Variants in TEX14 observed in about 807,000 individuals in gnomAD.
The protein encoded by TEX14 is testis expressed 14, intercellular bridge forming factor, also known as inactive serine/threonine-protein kinase TEX14.
TEX14 carries 168 observed loss-of-function variants against 178.6 expected under a neutral mutation model. That is an observed-to-expected ratio of 0.94 (90% CI 0.83 to 1.07). The LOEUF (loss-of-function observed/expected upper bound fraction) is 1.07, where lower values mean the gene tolerates loss of function less well. Among genes scored for constraint, TEX14 ranks in the 50% least tolerant of loss-of-function variants. TEX14 has a pLI of 0.00. For synonymous variants in TEX14, 626 were observed against 634.1 expected (o/e 0.99, Z 0.19); for missense variants, 1,730 against 1,753.6 (o/e 0.99, Z 0.24).
At chr17:58,673,484 A>AAAATAAATAAATAAAT (rs76433652) in intron 1 of TEX14, among the ~76,000 whole-genome samples, 51 of 143,508 alleles carry the variant, frequency 3.6e-4, no homozygotes, top group East Asian at 1.9e-3. Flanking sequence ...CTCCATCTCA[A>AAAATAAATAAATAAAT]AAATAAATAA....
At chr17:58,558,137 G>T (rs112639039) in intron 30 of TEX14, among the ~76,000 whole-genome samples, 1 of 152,152 alleles carries the variant, frequency 6.6e-6, no homozygotes, top group Non-Finnish European at 1.5e-5. Flanking sequence ...ATGCCTACAC[G>T]TTCTGGGCCC....
intron 1 of TEX14, among the ~76,000 whole-genome samples, chr17:58,666,314 C>T (rs1016062494): frequency 9.2e-5 from 14 of 151,936 alleles, no homozygotes; most frequent in Non-Finnish European, 1.8e-4. Flanking sequence ...CTCCACTGCA[C>T]TCCAGCCTGG....
At chr17:58,666,942 G>C (rs2047223312) in intron 1 of TEX14, among the ~76,000 whole-genome samples, 1 of 152,160 alleles carries the variant, frequency 6.6e-6, no homozygotes, top group Non-Finnish European at 1.5e-5. Flanking sequence ...AGGCCTGGCT[G>C]GTCAGAGAGC....
chr17:58,605,275 TCTG>T, intron 10 of TEX14, 146 bp from the exon 11 acceptor site: 1 of 879,586 alleles, frequency 1.1e-6, no homozygotes, highest in Non-Finnish European at 1.7e-6. Flanking sequence ...CACTGCAACC[TCTG>T]CCACCTCCCG....
intron 13 of TEX14, among the ~76,000 whole-genome samples, chr17:58,600,115 G>A (rs953233739): frequency 6.6e-6 from 1 of 152,182 alleles, no homozygotes; most frequent in Admixed American, 6.5e-5. Flanking sequence ...TTACAGGTGT[G>A]AGCCACCGTG....
intron 3 of TEX14, among the ~76,000 whole-genome samples, chr17:58,625,184 G>A (rs2046107475): frequency 6.6e-6 from 1 of 151,714 alleles, no homozygotes. Flanking sequence ...CCAGGCTGCA[G>A]TACAATGGTG....
At chr17:58,641,664 A>G (rs2046580387) in intron 2 of TEX14, among the ~76,000 whole-genome samples, 1 of 150,784 alleles carries the variant, frequency 6.6e-6, no homozygotes, top group Non-Finnish European at 1.5e-5. Flanking sequence ...GCACCACCAC[A>G]CTCAGCTAAT....
intron 14 of TEX14, among the ~76,000 whole-genome samples, chr17:58,596,564 C>T (rs2045287602): frequency 6.6e-6 from 1 of 152,036 alleles, no homozygotes; most frequent in Non-Finnish European, 1.5e-5. Flanking sequence ...TAAACCACTG[C>T]ACCTGGCTGT....
intron 7 of TEX14, 80 bp from the exon 8 acceptor site, chr17:58,615,425 G>A: frequency 1.1e-6 from 1 of 901,364 alleles, no homozygotes; most frequent in Non-Finnish European, 1.8e-6. Flanking sequence ...TCCTAAGCAA[G>A]GACCAGAGAA....
At chr17:58,674,527 G>A (rs915522957) in intron 1 of TEX14, among the ~76,000 whole-genome samples, 5 of 151,546 alleles carry the variant, frequency 3.3e-5, no homozygotes, top group African/African-American at 4.9e-5. Context: ...AAAATTAGCT[G>A]AGCATGGTGG....
chr17:58,684,218 T>C (rs563502635), intron 1 of TEX14, among the ~76,000 whole-genome samples: 9 of 151,698 alleles, frequency 5.9e-5, no homozygotes, highest in East Asian at 1.9e-4. Flanking sequence ...TCCCAGCACT[T>C]TGGGAGGCCT....
intron 14 of TEX14, among the ~76,000 whole-genome samples, chr17:58,597,597 C>T (rs189823370): frequency 6.6e-6 from 1 of 152,194 alleles, no homozygotes; most frequent in East Asian, 1.9e-4. Context: ...CATCTCTGGG[C>T]CTCAGGAAGT....
intron 2 of TEX14, 116 bp downstream of exon 2, chr17:58,651,750 T>C: frequency 2.0e-6 from 2 of 985,526 alleles, no homozygotes; most frequent in Non-Finnish European, 2.9e-6. Context: ...AATTTCTACA[T>C]TTAATTTCTG....
At chr17:58,659,154 A>G (rs1023180557) in intron 1 of TEX14, among the ~76,000 whole-genome samples, 2 of 152,188 alleles carry the variant, frequency 1.3e-5, no homozygotes, top group Non-Finnish European at 2.9e-5. Context: ...CACAGGACAG[A>G]AAAGCGCAAA....
In TEX14 at chr17:58,564,980, T is replaced by C; in HGVS notation, c.3965-12A>G. On this transcript the variant is annotated splice_polypyrimidine_tract_variant and intron_variant, in intron 27 of 31. Coordinates refer to ENST00000349033, the MANE Select transcript of TEX14 (RefSeq NM_031272.5). ...TAAGTGCCTTTGATCTAAAAACAGT[T>C]GAAAGAATTAACTTTATTAGAACGA... 1 of 1,521,880 alleles carries C rather than the reference T, an allele frequency of 6.6e-7. No individual in the cohort carries two copies. Among genetic ancestry groups the C allele is most frequent in the Admixed American group, 2.0e-5 (1 of 51,100 alleles). The allele number at this position is 1,521,880 out of a possible 1,614,324, so 94.3% of individuals were successfully genotyped here. A position where few individuals can be genotyped will look rare whatever the true frequency, so the allele number is the denominator to read the frequency against.
intron 29 of TEX14, 126 bp from the exon 30 acceptor site, chr17:58,559,688 CAA>C: frequency 1.6e-6 from 1 of 633,510 alleles, no homozygotes; most frequent in Non-Finnish European, 2.8e-6. Context: ...CTAGCACTAA[CAA>C]GAGTGTTCTC....
chr17:58,646,355 TCCAGCCCA>T (rs1305533031), intron 2 of TEX14, among the ~76,000 whole-genome samples: 4 of 152,160 alleles, frequency 2.6e-5, no homozygotes, highest in Non-Finnish European at 5.9e-5. Context: ...CTCTGACTGG[TCCAGCCCA>T]GGCCTCCCTT....
In TEX14 at chr17:58,611,271, C is replaced by T. The variant is rs762852446; in HGVS notation, c.1074G>A (p.Leu358=). 1.9e-6 allele frequency: 3 copies of T among 1,612,108 alleles called. No individual in the cohort carries two copies. Among genetic ancestry groups the T allele is most frequent in the South Asian group, 2.2e-5 (2 of 91,042 alleles). The change falls in exon 10 of 32, where the codon CTG becomes CTA. Residue 358 remains leucine, a synonymous_variant. Transcript: ENST00000349033. ...TAAACCCCTGGAAATGCAGGTATCT[C>T]AGGGCATCAGATATCTGGAGCAGCA... ...VHLLLQISDA[L]RYLHFQGFIH... is the part of the protein sequence containing the mutation.
chr17:58,617,037 G>A (rs1030867768), intron 6 of TEX14, among the ~76,000 whole-genome samples: 1 of 152,198 alleles, frequency 6.6e-6, no homozygotes, highest in African/African-American at 2.4e-5. Context: ...GACCGATTGA[G>A]TCCAGAAGAT....
Sources: allele counts gnomAD v4.1 joint callset (sites outside exome capture counted in the v4.1 genomes callset), GRCh38; gene constraint gnomAD v4.1.1; transcripts MANE v1.5; gene names NCBI Gene and HGNC (gene_info 2026-07-23, HGNC 2026-07-21).